Variants in PLA2G4E observed in about 807,000 individuals in gnomAD.
PLA2G4E encodes the protein phospholipase A2 group IVE.
A neutral mutation model predicts 109.1 loss-of-function variants in PLA2G4E; 84 were observed. That is an observed-to-expected ratio of 0.77 (90% CI 0.65 to 0.92). PLA2G4E has a LOEUF of 0.92. PLA2G4E is among the 40% of genes least tolerant of loss of function. PLA2G4E has a pLI of 0.00. For missense variants in PLA2G4E, 1,057 were observed against 1,076.6 expected, an observed-to-expected ratio of 0.98 and a Z score of 0.25; for synonymous variants, 469 against 436.1, an observed-to-expected ratio of 1.08 and a Z score of -0.94.
chr15:41,983,716 G>T, exon 20 of PLA2G4E: 1 of 1,521,622 alleles, frequency 6.6e-7, no homozygotes, highest in Non-Finnish European at 8.9e-7. Context: ...ACCTCTGATG[G>T]TAGAAGCTGA....
intron 14 of PLA2G4E, 79 bp from the exon 15 acceptor site, chr15:41,989,631 A>G: frequency 8.5e-6 from 13 of 1,525,860 alleles, no homozygotes; most frequent in African/African-American, 2.8e-5. Flanking sequence ...TCCTGCCTGC[A>G]GCCACTGGCT....
chr15:42,047,520 CCA>C (rs1889436068), intron 1 of PLA2G4E, among the ~76,000 whole-genome samples: 1 of 152,184 alleles, frequency 6.6e-6, no homozygotes, highest in Non-Finnish European at 1.5e-5. Context: ...CCCAAATGTC[CCA>C]CCTCTCAACA....
chr15:41,994,305 G>GT (rs964672530), intron 12 of PLA2G4E, among the ~76,000 whole-genome samples: 3 of 151,830 alleles, frequency 2.0e-5, no homozygotes, highest in Non-Finnish European at 4.4e-5. Flanking sequence ...CTGCCCCCCG[G>GT]GGGGGTGTGT....
At chr15:42,010,156 A>G (rs756227000) in intron 2 of PLA2G4E, 8 of 450,994 alleles carry the variant, frequency 1.8e-5, no homozygotes, top group African/African-American at 2.6e-5. Flanking sequence ...GGCCTGGACC[A>G]CACCCTTCAG....
At chr15:41,994,282 T>A (rs1380836793) in intron 12 of PLA2G4E, among the ~76,000 whole-genome samples, 1 of 127,842 alleles carries the variant, frequency 7.8e-6, no homozygotes, top group African/African-American at 3.0e-5. Flanking sequence ...CTGTCTCACC[T>A]GGGCTGGCGC....
At chr15:42,041,579 G>A (rs1889317538) in intron 1 of PLA2G4E, among the ~76,000 whole-genome samples, 1 of 152,184 alleles carries the variant, frequency 6.6e-6, no homozygotes, top group Non-Finnish European at 1.5e-5. Context: ...ACCTCCCCAG[G>A]AGACCCATTG....
chr15:42,012,093 G>A (rs940895978), intron 2 of PLA2G4E, among the ~76,000 whole-genome samples: 4 of 152,198 alleles, frequency 2.6e-5, no homozygotes, highest in Non-Finnish European at 4.4e-5. Context: ...GCCCTCCAGA[G>A]GCTCTGTCTC....
At chr15:42,033,448 A>G (rs1169738992) in intron 1 of PLA2G4E, among the ~76,000 whole-genome samples, 1 of 152,128 alleles carries the variant, frequency 6.6e-6, no homozygotes. Context: ...GGCCCTTATG[A>G]CACTGGGAGG....
At chr15:42,031,381 C>G (rs553461435) in intron 1 of PLA2G4E, among the ~76,000 whole-genome samples, 6 of 152,294 alleles carry the variant, frequency 3.9e-5, no homozygotes, top group South Asian at 2.1e-4. Flanking sequence ...AATCCCCAGA[C>G]GTGAAATGGC....
rs1426982855 is a variant in PLA2G4E at position 42,045,809 on chromosome 15, A to G, written c.183+4712T>C. Among the ~76,000 whole-genome samples the G allele has an allele frequency of 2.6e-5, 4 of 152,138 alleles. No individual in the cohort carries two copies. In the East Asian group the frequency reaches 7.7e-4, roughly 29 times the overall value. ...AAAACCTTCTACATTCTGCTTTATG[A>G]TTTCAAACAGATTTCCTCCTCAACT... On this transcript the variant is annotated intron_variant, in intron 1 of 19. Coordinates refer to ENST00000399518, the Ensembl canonical transcript of PLA2G4E.
chr15:42,006,071 G>A, exon 4 of PLA2G4E: 1 of 1,613,916 alleles, frequency 6.2e-7, no homozygotes, highest in Non-Finnish European at 8.5e-7. Context: ...TCAGGAGATG[G>A]TCATCTGGTG....
chr15:42,034,280 C>T (rs766864765), intron 1 of PLA2G4E, among the ~76,000 whole-genome samples: 3 of 152,114 alleles, frequency 2.0e-5, no homozygotes, highest in South Asian at 2.1e-4. Context: ...ATGCCAGACC[C>T]GGAGTACTCC....
Position 42,002,784 on chromosome 15 carries a change from T to C in PLA2G4E, c.567-88A>G, listed in dbSNP as rs1178022560. The stretch of plus-strand genomic sequence containing the variant: ...CGACAAAGGGAATAAATAGGGTCAA[T>C]AACAAAATATCAGAGCCTTCTTTGT... On this transcript the variant is annotated intron_variant, in intron 5 of 19. Coordinates refer to ENST00000399518, the Ensembl canonical transcript of PLA2G4E. 3.3e-6 allele frequency: 4 copies of C among 1,202,534 alleles called. No individual in the cohort carries two copies. In the Admixed American group the frequency reaches 8.0e-5, roughly 24 times the overall value. The allele number at this position is 1,202,534 out of a possible 1,614,324, so 74.5% of individuals were successfully genotyped here.
chr15:41,997,501 G>A (rs918117724), intron 10 of PLA2G4E: 22 of 346,238 alleles, frequency 6.4e-5, no homozygotes, highest in Non-Finnish European at 1.1e-4. Context: ...GGCACAATGC[G>A]AGCTGGTACT....
rs115609600 is a variant in PLA2G4E, at chr15:42,030,451, C to T, written c.184-16694G>A. 9.6e-3 allele frequency among the ~76,000 whole-genome samples: 1,465 copies of T among 152,300 alleles called. 24 individuals carry two copies. Among genetic ancestry groups the T allele is most frequent in the African/African-American group, 0.034 (1,408 of 41,554 alleles). On this transcript the variant is annotated intron_variant, in intron 1 of 19. Coordinates refer to ENST00000399518, the Ensembl canonical transcript of PLA2G4E. ...TAGTTTTCTCCAAATACACGATAGG[C>T]TCCCAGAGCAGGGCACACTTTGCAT...
intron 3 of PLA2G4E, 43 bp downstream of exon 3, chr15:42,007,686 A>G: frequency 6.3e-7 from 1 of 1,592,814 alleles, no homozygotes; most frequent in Non-Finnish European, 8.6e-7. Context: ...AGAGGGGAGT[A>G]AAATGCAGAC....
intron 11 of PLA2G4E, among the ~76,000 whole-genome samples, chr15:41,996,355 A>G (rs1485748206): frequency 1.0e-5 from 1 of 95,402 alleles, no homozygotes; most frequent in African/African-American, 3.9e-5. Context: ...CTCAAGAAAA[A>G]AAAAAAAAAA....
chr15:42,038,745 T>C (rs1399960002), intron 1 of PLA2G4E, among the ~76,000 whole-genome samples: 1 of 152,220 alleles, frequency 6.6e-6, no homozygotes, highest in Non-Finnish European at 1.5e-5. Flanking sequence ...AGTACAATGC[T>C]ACTGTGCACT....
intron 16 of PLA2G4E, 24 bp from the exon 17 acceptor site, chr15:41,987,399 G>C: frequency 5.6e-5 from 89 of 1,579,786 alleles, no homozygotes; most frequent in Non-Finnish European, 7.4e-5. Flanking sequence ...AGGGATGAAG[G>C]GCAGGTCATG....
Sources: allele counts gnomAD v4.1 joint callset (sites outside exome capture counted in the v4.1 genomes callset), GRCh38; gene constraint gnomAD v4.1.1; transcripts MANE v1.5; gene names NCBI Gene and HGNC (gene_info 2026-07-23, HGNC 2026-07-21).